The following ROR1 variants were observed in gnomAD, a reference collection of about 807,000 sequenced individuals.
ROR1 encodes ROR family WNT receptor 1.
Under a neutral mutation model 78.8 loss-of-function variants are expected in ROR1, and 19 were observed. The ratio of observed to expected loss-of-function variants is 0.24; its 90% CI spans 0.17 to 0.35. The LOEUF (loss-of-function observed/expected upper bound fraction) is 0.35, where lower values mean the gene tolerates loss of function less well. Ranked by LOEUF, ROR1 falls within the 10% of genes least tolerant of loss-of-function variation. The pLI, the probability that ROR1 is intolerant of heterozygous loss-of-function variation, is 1.00. For synonymous variants in ROR1, 386 were observed against 433.6 expected, an observed-to-expected ratio of 0.89 and a Z score of 1.36; for missense variants, 917 against 1,177.8, an observed-to-expected ratio of 0.78 and a Z score of 3.24.
At chr1:64,048,376 C>T (rs568407458) in intron 2 of ROR1, among the ~76,000 whole-genome samples, 7 of 152,278 alleles carry the variant, frequency 4.6e-5, no homozygotes, top group Admixed American at 1.3e-4. Context: ...TGGTGGATAA[C>T]ACTGCTAGAC....
intron 1 of ROR1, among the ~76,000 whole-genome samples, chr1:63,785,324 T>A (rs893376421): frequency 6.6e-6 from 1 of 152,114 alleles, no homozygotes; most frequent in African/African-American, 2.4e-5. Flanking sequence ...TGTATTAGCC[T>A]TTCATATGCC....
chr1:64,120,242 G>T (rs1456084874), intron 4 of ROR1, among the ~76,000 whole-genome samples: 2 of 152,112 alleles, frequency 1.3e-5, no homozygotes, highest in African/African-American at 4.8e-5. Flanking sequence ...GGAGTTGGGG[G>T]AGGCCTAGGG....
chr1:63,793,687 C>A (rs1644740438), intron 1 of ROR1, among the ~76,000 whole-genome samples: 1 of 152,162 alleles, frequency 6.6e-6, no homozygotes, highest in African/African-American at 2.4e-5. Flanking sequence ...GCTGATTCCC[C>A]TCCCAGGACC....
At chr1:63,889,882 A>T (rs565397574) in intron 1 of ROR1, among the ~76,000 whole-genome samples, 1 of 152,304 alleles carries the variant, frequency 6.6e-6, no homozygotes, top group South Asian at 2.1e-4. Flanking sequence ...AATCTTATTT[A>T]AAAATATTTT....
intron 7 of ROR1, among the ~76,000 whole-genome samples, chr1:64,150,012 T>C (rs1211629337): frequency 6.6e-6 from 1 of 152,226 alleles, no homozygotes; most frequent in Non-Finnish European, 1.5e-5. Context: ...TTAGATCCCC[T>C]ATTTGTTTCT....
chr1:64,043,592 G>A (rs534920866), intron 2 of ROR1, among the ~76,000 whole-genome samples: 11 of 152,106 alleles, frequency 7.2e-5, no homozygotes, highest in Non-Finnish European at 1.5e-4. Flanking sequence ...AGTACCAGTG[G>A]GTATTGTCAC....
At chr1:64,087,380 C>T (rs538968564) in intron 4 of ROR1, among the ~76,000 whole-genome samples, 3 of 152,264 alleles carry the variant, frequency 2.0e-5, no homozygotes, top group Non-Finnish European at 2.9e-5. Flanking sequence ...CAATGGATGG[C>T]GATTGTGTTC....
At chr1:63,964,298 T>C (rs1646056263) in intron 1 of ROR1, among the ~76,000 whole-genome samples, 2 of 152,230 alleles carry the variant, frequency 1.3e-5, no homozygotes, top group Admixed American at 1.3e-4. Context: ...TGTGTTTCTA[T>C]ACCTGCTTTG....
At chr1:63,861,578 A>C (rs1295552731) in intron 1 of ROR1, among the ~76,000 whole-genome samples, 2 of 152,206 alleles carry the variant, frequency 1.3e-5, no homozygotes, top group Admixed American at 6.5e-5. Flanking sequence ...ACTGCAGCCG[A>C]GCACGTTGAA....
intron 7 of ROR1, among the ~76,000 whole-genome samples, chr1:64,148,670 C>T (rs1383644256): frequency 6.6e-6 from 1 of 152,180 alleles, no homozygotes; most frequent in Non-Finnish European, 1.5e-5. Context: ...ATTGTTTTAT[C>T]TGTGAACCTT....
chr1:63,784,109 T>C (rs1228927458), intron 1 of ROR1, among the ~76,000 whole-genome samples: 1 of 152,194 alleles, frequency 6.6e-6, no homozygotes, highest in Non-Finnish European at 1.5e-5. Flanking sequence ...TCAAAATAAT[T>C]ATAATTAAAT....
intron 4 of ROR1, among the ~76,000 whole-genome samples, chr1:64,076,948 A>T (rs1408872345): frequency 6.6e-6 from 1 of 152,132 alleles, no homozygotes; most frequent in Non-Finnish European, 1.5e-5. Context: ...ACGTTGGAAA[A>T]CTGATTAACT....
In ROR1 at chr1:64,157,342, T is replaced by C. The variant is rs1445729040; in HGVS notation, c.1175-1639T>C. Among the ~76,000 whole-genome samples the C allele has an allele frequency of 2.0e-5, 3 of 152,104 alleles. No individual in the cohort carries two copies. In the East Asian group the frequency reaches 5.8e-4, roughly 29 times the overall value. On this transcript the variant is annotated intron_variant, in intron 7 of 8. Transcript: ENST00000371079. ...TTTGTAGAGATGGGGTTTCGCCATGTTGCCTAGGCTGGTCTCAAATTCCTA... is the reference window on the plus strand; with the variant it reads ...TTTGTAGAGATGGGGTTTCGCCATGCTGCCTAGGCTGGTCTCAAATTCCTA...
rs1553151602 is a variant in ROR1 at position 64,014,773 on chromosome 1, T to TACACACAC, written c.163+5402_163+5403insCACACACA. Among the ~76,000 whole-genome samples, 40 of 46,952 alleles carry TACACACAC rather than the reference T, an allele frequency of 8.5e-4. 1 individual carries two copies. Among genetic ancestry groups the TACACACAC allele is most frequent in the Non-Finnish European group, 1.4e-3 (30 of 21,566 alleles). The allele number at this position is 46,952 out of a possible 152,430, so 30.8% of individuals were successfully genotyped here. On this transcript the variant is annotated intron_variant, in intron 2 of 8. Transcript: ENST00000371079. ...ATATATATATATATATATATATATA[T>TACACACAC]ACACATTTTGTCCTGGTTTGCCTTT... is the stretch of plus-strand genomic sequence containing the variant.
At chr1:63,991,463 T>G (rs1646295826) in intron 1 of ROR1, among the ~76,000 whole-genome samples, 1 of 152,194 alleles carries the variant, frequency 6.6e-6, no homozygotes, top group Admixed American at 6.5e-5. Flanking sequence ...AAGTGGTCCC[T>G]TCTTAGTTTG....
At chr1:63,988,070 T>C (rs1382497214) in intron 1 of ROR1, among the ~76,000 whole-genome samples, 2 of 152,198 alleles carry the variant, frequency 1.3e-5, no homozygotes, top group African/African-American at 4.8e-5. Context: ...GTATCTTTTC[T>C]ATAACAATGG....
At position 64,016,733 on chromosome 1, in the gene ROR1, T is replaced by TATATATATA. The variant is rs1553151713; in HGVS notation, c.163+7357_163+7358insATATATATA. ...ATGTACCCTAGAACTTAAAATATAA[T>TATATATATA]TATATATATATATATAAAGATTTTA... On this transcript the variant is annotated intron_variant, in intron 2 of 8. Coordinates refer to ENST00000371079, the MANE Select transcript of ROR1 (RefSeq NM_005012.4). 9.5e-4 allele frequency among the ~76,000 whole-genome samples: 134 copies of TATATATATA among 140,608 alleles called. 1 individual carries two copies. The highest frequency in any genetic ancestry group is 2.8e-3 in the African/African-American group (109 of 38,682). The allele number at this position is 140,608 out of a possible 152,430, so 92.2% of individuals were successfully genotyped here.
chr1:64,178,751 A>T lies in ROR1; in HGVS notation c.2710A>T (p.Asn904Tyr). The change falls in exon 9 of 9, where the codon AAC (asparagine) becomes TAC (tyrosine). Residue 904 changes from asparagine (N) to tyrosine (Y), a missense_variant. By Grantham distance (143) the Asn-to-Tyr change is moderately radical. Coordinates refer to ENST00000371079, the MANE Select transcript of ROR1 (RefSeq NM_005012.4). This position sits in a 1 kb window ranked among gnomAD's most constrained non-coding sequence, Gnocchi z 4.3. ...PGGMGITVFG[N>Y]KSQKPYKIDS... ...TGGAATGGGTATCACCGTTTTTGGCAACAAATCTCAAAAACCCTACAAAAT... is the reference window on the plus strand; with the variant it reads ...TGGAATGGGTATCACCGTTTTTGGCTACAAATCTCAAAAACCCTACAAAAT... 1 of 1,614,146 alleles carries T rather than the reference A, an allele frequency of 6.2e-7. No individual in the cohort carries two copies. The highest frequency in any genetic ancestry group is 1.1e-5 in the South Asian group (1 of 91,080).
chr1:63,860,639 C>T (rs989049031), intron 1 of ROR1, among the ~76,000 whole-genome samples: 3 of 150,342 alleles, frequency 2.0e-5, no homozygotes, highest in African/African-American at 4.9e-5. Flanking sequence ...TGTGGTGGCA[C>T]GAGCCTGTAA....
Sources: gnomAD v4.1 joint callset for allele counts (sites outside exome capture counted in the v4.1 genomes callset) on GRCh38, gnomAD v4.1.1 for gene constraint, Gnocchi (gnomAD v3.1) non-coding constraint, MANE v1.5 for transcripts, NCBI Gene and HGNC (gene_info 2026-07-23, HGNC 2026-07-21) for gene names.